ADAMTS20: variants seen among roughly 807,000 people sequenced by gnomAD.
ADAMTS20 encodes ADAM metallopeptidase with thrombospondin type 1 motif 20.
Under a neutral mutation model 260.1 loss-of-function variants are expected in ADAMTS20, and 225 were observed. The observed-to-expected ratio is 0.87, with a 90% confidence interval of 0.78 to 0.97. The LOEUF is 0.97. ADAMTS20 is among the 50% of genes least tolerant of loss of function. The pLI, the probability that ADAMTS20 is intolerant of heterozygous loss-of-function variation, is 0.00. For missense variants in ADAMTS20, 2,400 were observed against 2,337.7 expected, an observed-to-expected ratio of 1.03 and a Z score of -0.55; for synonymous variants, 802 against 769.5, an observed-to-expected ratio of 1.04 and a Z score of -0.70.
At chr12:43,467,069 C>A (rs1260249488) in intron 8 of ADAMTS20, among the ~76,000 whole-genome samples, 1 of 151,926 alleles carries the variant, frequency 6.6e-6, no homozygotes, top group East Asian at 1.9e-4. Flanking sequence ...TGGACCACAG[C>A]ATTGACATAA....
At chr12:43,527,938 A>C (rs1408922166) in intron 3 of ADAMTS20, among the ~76,000 whole-genome samples, 6 of 151,988 alleles carry the variant, frequency 3.9e-5, no homozygotes, top group Admixed American at 3.9e-4. Flanking sequence ...CCTAGAAAAG[A>C]CTAAACAGTA....
intron 37 of ADAMTS20, among the ~76,000 whole-genome samples, chr12:43,367,107 G>A (rs1344211166): frequency 6.6e-6 from 1 of 151,846 alleles, no homozygotes; most frequent in African/African-American, 2.4e-5. Flanking sequence ...TGGCTTTGCT[G>A]GTAAATTCTA....
intron 3 of ADAMTS20, among the ~76,000 whole-genome samples, chr12:43,529,333 T>C (rs1000071584): frequency 1.3e-5 from 2 of 152,136 alleles, no homozygotes; most frequent in African/African-American, 4.8e-5. Context: ...AATCATTATA[T>C]GAAAGAGACA....
At position 43,405,417 on chromosome 12, in the gene ADAMTS20, CTAATAATAATAATAATAATAA is replaced by C. The variant is rs66970122; in HGVS notation, c.4285-6205_4285-6185del. 1.1e-3 allele frequency among the ~76,000 whole-genome samples: 150 copies of C among 135,764 alleles called. 1 individual carries two copies. In the South Asian group the frequency reaches 0.019, roughly 17 times the overall value. The allele number at this position is 135,764 out of a possible 152,430, so 89.1% of individuals were successfully genotyped here. A position where few individuals can be genotyped will look rare whatever the true frequency, so the allele number is the denominator to read the frequency against. On this transcript the variant is annotated intron_variant, in intron 28 of 38. Transcript: ENST00000389420. ...TGGGCAACAGAAGAAGACGTCTTCT[CTAATAATAATAATAATAATAA>C]TAATAATAATAATAATAATAATAAA...
intron 36 of ADAMTS20, among the ~76,000 whole-genome samples, chr12:43,373,809 A>G (rs1378863779): frequency 6.8e-6 from 1 of 147,766 alleles, no homozygotes; most frequent in Non-Finnish European, 1.5e-5. Context: ...CCTCCCAAGT[A>G]GCTGGGACTA....
chr12:43,439,513 T>A (rs1011477349), intron 18 of ADAMTS20, 109 bp downstream of exon 18: 128 of 1,253,028 alleles, frequency 1.0e-4, no homozygotes, highest in Non-Finnish European at 1.2e-4. Flanking sequence ...CTGTGGGATA[T>A]GTGTATGGAC....
chr12:43,528,374 A>AAAAC (rs1943174915), intron 3 of ADAMTS20, among the ~76,000 whole-genome samples: 1 of 136,894 alleles, frequency 7.3e-6, no homozygotes, highest in Non-Finnish European at 1.6e-5. Flanking sequence ...AAAAAAAAAA[A>AAAAC]CACAAATCCG....
At chr12:43,450,212 T>C (rs1941840108) in intron 14 of ADAMTS20, among the ~76,000 whole-genome samples, 2 of 152,166 alleles carry the variant, frequency 1.3e-5, no homozygotes, top group Admixed American at 1.3e-4. Flanking sequence ...TACAAGTAGA[T>C]GGCTTGTTCC....
At chr12:43,488,947 G>A (rs1452110883) in intron 7 of ADAMTS20, among the ~76,000 whole-genome samples, 1 of 152,008 alleles carries the variant, frequency 6.6e-6, no homozygotes, top group African/African-American at 2.4e-5. Flanking sequence ...TAACTTCAGA[G>A]TTAAGTACCA....
intron 31 of ADAMTS20, among the ~76,000 whole-genome samples, chr12:43,379,405 T>C (rs1190169360): frequency 6.6e-6 from 1 of 152,096 alleles, no homozygotes; most frequent in Non-Finnish European, 1.5e-5. Context: ...ATGCATCAGA[T>C]TGTACACATG....
rs1387380201 is a variant in ADAMTS20 at position 43,551,751 on chromosome 12, G to T, written c.91+80C>A. The T allele has an allele frequency of 7.0e-7, 1 of 1,434,674 alleles. No homozygotes were observed. The highest frequency in any genetic ancestry group is 1.4e-5 in the African/African-American group (1 of 71,540). 88.9% of individuals were successfully genotyped at this position (1,434,674 alleles called of 1,614,324 possible). ...CCAGCGTTCCCCAACGGGCTGAGCC[G>T]CTCGTCCCCGCGACCTGCATGTCCC... On this transcript the variant is annotated intron_variant, in intron 1 of 38. Coordinates refer to ENST00000389420, the MANE Select transcript of ADAMTS20 (RefSeq NM_025003.5). The surrounding 1 kb of genome is among the most constrained non-coding windows in gnomAD (Gnocchi z 4.6).
At chr12:43,550,838 A>T in intron 2 of ADAMTS20, 71 bp downstream of exon 2, 1 of 1,452,442 alleles carries the variant, frequency 6.9e-7, no homozygotes. Context: ...TCGAAAACCC[A>T]AGGCCCCGTT....
chr12:43,431,485 T>C lies in ADAMTS20; in HGVS notation c.3108A>G (p.Thr1036=), dbSNP rs751664593. Reference sequence around the variant, plus strand: ...GCCGCTGCTTTGTTCCTTTACCACATGTAACAAGGCACTGTAAGAATAAAA... The same window carrying C: ...GCCGCTGCTTTGTTCCTTTACCACACGTAACAAGGCACTGTAAGAATAAAA... ...AASEWSECLV[T]CGKGTKQRQV... is the part of the protein sequence containing the mutation. Residue 1036 remains threonine (T), a synonymous_variant, in exon 22 of 39, where the codon ACA becomes ACG. Transcript: ENST00000389420. 1.4e-5 allele frequency: 23 copies of C among 1,613,810 alleles called. No homozygotes were observed. In the Admixed American group the frequency reaches 2.7e-4, roughly 19 times the overall value.
At chr12:43,361,177 G>C (rs1565664491) in intron 37 of ADAMTS20, among the ~76,000 whole-genome samples, 1 of 152,096 alleles carries the variant, frequency 6.6e-6, no homozygotes, top group Non-Finnish European at 1.5e-5. Context: ...AGACTATCCT[G>C]TCACATGCAA....
chr12:43,368,689 T>G (rs1262133952), intron 37 of ADAMTS20, among the ~76,000 whole-genome samples: 1 of 152,132 alleles, frequency 6.6e-6, no homozygotes, highest in Non-Finnish European at 1.5e-5. Flanking sequence ...ATTCTTCATC[T>G]ATCATAAAAA....
chr12:43,394,869 T>A (rs1940667465), intron 29 of ADAMTS20, among the ~76,000 whole-genome samples: 1 of 152,136 alleles, frequency 6.6e-6, no homozygotes, highest in Non-Finnish European at 1.5e-5. Context: ...TGTTTCTTCA[T>A]CTGTCTAATG....
rs1223876463 is a variant in ADAMTS20 at position 43,540,647 on chromosome 12, A to ACC, written c.454-8453_454-8452insGG. Among the ~76,000 whole-genome samples, 55 of 152,292 alleles carry ACC rather than the reference A, an allele frequency of 3.6e-4. 1 individual carries two copies. The East Asian group carries it at 0.01, about 29-fold the overall frequency. On this transcript the variant is annotated intron_variant, in intron 2 of 38. Transcript: ENST00000389420. ...CAAGGAATTAGCAGACTTAAAAAAAAAACAGGTGGTTCATAGAATTGTACT... is the reference window on the plus strand; with the variant it reads ...CAAGGAATTAGCAGACTTAAAAAAAACCAACAGGTGGTTCATAGAATTGTACT...
intron 28 of ADAMTS20, among the ~76,000 whole-genome samples, chr12:43,419,095 A>G (rs1941183350): frequency 6.6e-6 from 1 of 152,164 alleles, no homozygotes; most frequent in African/African-American, 2.4e-5. Flanking sequence ...TTGTGAGAGA[A>G]AAGTTACCAT....
intron 7 of ADAMTS20, among the ~76,000 whole-genome samples, chr12:43,486,133 C>A (rs1942519318): frequency 6.6e-6 from 1 of 151,876 alleles, no homozygotes; most frequent in South Asian, 2.1e-4. Flanking sequence ...CAATCCTAAG[C>A]AAAAAGAATA....
Sources: gnomAD v4.1 joint callset for allele counts (sites outside exome capture counted in the v4.1 genomes callset) on GRCh38, gnomAD v4.1.1 for gene constraint, Gnocchi (gnomAD v3.1) non-coding constraint, MANE v1.5 for transcripts, NCBI Gene and HGNC (gene_info 2026-07-23, HGNC 2026-07-21) for gene names.